Variants in SLCO6A1 observed in about 807,000 individuals in gnomAD.
The protein encoded by SLCO6A1 is solute carrier organic anion transporter family member 6A1.
In SLCO6A1, 65 loss-of-function variants were observed where a neutral mutation model predicts 72.7. The observed-to-expected ratio is 0.89, with a 90% CI of 0.73 to 1.10. SLCO6A1 has a LOEUF of 1.10. Among genes scored for constraint, SLCO6A1 ranks in the 50% least tolerant of loss-of-function variants. The pLI, the probability that SLCO6A1 is intolerant of heterozygous loss-of-function variation, is 0.00. For synonymous variants in SLCO6A1, 314 were observed against 298.2 expected (o/e 1.05, Z -0.55); for missense variants, 874 against 872.6 (o/e 1.00, Z -0.02).
intron 7 of SLCO6A1, among the ~76,000 whole-genome samples, chr5:102,438,059 A>G (rs1395201731): frequency 4.6e-5 from 7 of 152,112 alleles, no homozygotes; most frequent in Non-Finnish European, 1.0e-4. Flanking sequence ...AGGAGATATC[A>G]ACAAACCTTT....
chr5:102,433,928 T>C (rs967403410), intron 7 of SLCO6A1, among the ~76,000 whole-genome samples: 1 of 152,080 alleles, frequency 6.6e-6, no homozygotes, highest in Non-Finnish European at 1.5e-5. Context: ...TTTAAAATTA[T>C]TATAGTTGCA....
intron 1 of SLCO6A1, among the ~76,000 whole-genome samples, chr5:102,481,654 T>C (rs1875634): frequency 0.65 from 99,485 of 151,988 alleles, 32,815 homozygotes; most frequent in African/African-American, 0.69. Context: ...ACCCTTCCTC[T>C]CATATTTAAA....
intron 10 of SLCO6A1, chr5:102,391,334 G>C: frequency 2.8e-6 from 1 of 357,328 alleles, no homozygotes; most frequent in Non-Finnish European, 5.1e-6. Context: ...GAAAGACTTA[G>C]CACTAGATTT....
chr5:102,377,650 T>C (rs1188055905), intron 12 of SLCO6A1, among the ~76,000 whole-genome samples: 1 of 151,794 alleles, frequency 6.6e-6, no homozygotes, highest in South Asian at 2.1e-4. Flanking sequence ...TATATATCTA[T>C]AGATATAGAC....
chr5:102,381,936 T>C (rs193294200), intron 12 of SLCO6A1, among the ~76,000 whole-genome samples: 4 of 151,762 alleles, frequency 2.6e-5, no homozygotes, highest in East Asian at 1.9e-4. Flanking sequence ...TACTAATAAG[T>C]GTTTGAGTTC....
rs574075744 is a variant in SLCO6A1, at chr5:102,462,558, A to G, written c.900-2781T>C. ...ATAGGCACACAGACCAATGGGACAG[A>G]ATAGATAACCCATAAATAAAGCCAA... On this transcript the variant is annotated intron_variant, in intron 4 of 13. Transcript: ENST00000506729. 4.1e-3 allele frequency among the ~76,000 whole-genome samples: 632 copies of G among 152,354 alleles called. 10 individuals are homozygous for G. Among genetic ancestry groups the G allele is most frequent in the African/African-American group, 0.015 (608 of 41,588 alleles).
chr5:102,477,159 C>T (rs1002881534), intron 3 of SLCO6A1, among the ~76,000 whole-genome samples: 1 of 152,044 alleles, frequency 6.6e-6, no homozygotes, highest in Non-Finnish European at 1.5e-5. Flanking sequence ...CGGAGTCTTG[C>T]TCTGTCACCC....
At chr5:102,379,124 T>C (rs1745975593) in intron 12 of SLCO6A1, among the ~76,000 whole-genome samples, 1 of 152,150 alleles carries the variant, frequency 6.6e-6, no homozygotes, top group South Asian at 2.1e-4. Flanking sequence ...TTGTGAAGAA[T>C]TTTTTCAAGT....
chr5:102,414,755 C>T lies in SLCO6A1; in HGVS notation c.1473-1612G>A, dbSNP rs1170884298. Among the ~76,000 whole-genome samples the T allele has an allele frequency of 1.3e-4, 20 of 151,860 alleles. No homozygotes were observed. The South Asian group carries it at 4.0e-3, about 30-fold the overall frequency. ...CTTAAAATGCAAAAAAATAGCCAGG[C>T]GTAGTGGCATGCACCTGTACTCCCA... On this transcript the variant is annotated intron_variant, in intron 8 of 13. Transcript: ENST00000506729.
In SLCO6A1 at chr5:102,475,652, G is replaced by C. The variant is rs370609788; in HGVS notation, c.899+45C>G. On this transcript the variant is annotated intron_variant, in intron 4 of 13. Coordinates refer to ENST00000506729, the MANE Select transcript of SLCO6A1 (RefSeq NM_173488.5). Reference sequence around the variant, plus strand: ...GTAAGCTATGGTAGCTATTTAGTAAGTATTTTATACAATGTAAACAAAAAA... The same window carrying C: ...GTAAGCTATGGTAGCTATTTAGTAACTATTTTATACAATGTAAACAAAAAA... The C allele has an allele frequency of 3.2e-6, 4 of 1,260,878 alleles. No homozygotes were observed. In the African/African-American group the frequency reaches 6.0e-5, roughly 19 times the overall value. 78.1% of individuals were successfully genotyped at this position (1,260,878 alleles called of 1,614,324 possible).
chr5:102,475,881 GA>G lies in SLCO6A1; in HGVS notation c.803-89del, dbSNP rs746023176. 142 of 983,702 alleles carry G rather than the reference GA, an allele frequency of 1.4e-4. 1 individual carries two copies. The highest frequency in any genetic ancestry group is 2.3e-4 in the Middle Eastern group (1 of 4,358). 60.9% of individuals were successfully genotyped at this position (983,702 alleles called of 1,614,324 possible). On this transcript the variant is annotated intron_variant, in intron 3 of 13. Transcript: ENST00000506729. ...AAATTGACTGAAATTGATTACTTCT[GA>G]AAGCTTTTCATAGCATTCTGTATTA...
intron 12 of SLCO6A1, among the ~76,000 whole-genome samples, chr5:102,379,304 T>G (rs1745984337): frequency 6.6e-6 from 1 of 152,142 alleles, no homozygotes; most frequent in African/African-American, 2.4e-5. Context: ...GTCTGATTTA[T>G]TTTCTAGGTA....
At chr5:102,498,353 A>G (rs1753001685) in intron 1 of SLCO6A1, 134 bp downstream of exon 1, 3 of 791,232 alleles carry the variant, frequency 3.8e-6, no homozygotes, top group African/African-American at 3.5e-5. Context: ...AGAAGTCAGA[A>G]AGCAGCCTCA....
At chr5:102,395,914 G>T (rs1304880760) in intron 10 of SLCO6A1, among the ~76,000 whole-genome samples, 2 of 151,938 alleles carry the variant, frequency 1.3e-5, no homozygotes, top group Admixed American at 6.6e-5. Flanking sequence ...TAAATTTGTT[G>T]GAGTTCATTT....
At chr5:102,404,520 C>CA (rs1253748961) in intron 9 of SLCO6A1, among the ~76,000 whole-genome samples, 5 of 151,706 alleles carry the variant, frequency 3.3e-5, no homozygotes, top group East Asian at 1.9e-4. Context: ...AAACAAAAAA[C>CA]AAAAAAAGAA....
chr5:102,422,926 C>T (rs747207086), intron 7 of SLCO6A1, among the ~76,000 whole-genome samples: 1 of 152,256 alleles, frequency 6.6e-6, no homozygotes, highest in Non-Finnish European at 1.5e-5. Flanking sequence ...GAGCAGATCT[C>T]TCTGCAGAAA....
At chr5:102,405,624 G>T (rs886867808) in intron 9 of SLCO6A1, among the ~76,000 whole-genome samples, 31 of 152,032 alleles carry the variant, frequency 2.0e-4, no homozygotes, top group African/African-American at 7.0e-4. Context: ...ATTTTAAGTT[G>T]AAAGAATACT....
chr5:102,427,867 T>A (rs1235975530), intron 7 of SLCO6A1, among the ~76,000 whole-genome samples: 996 of 90,866 alleles, frequency 0.011, 5 homozygotes, highest in African/African-American at 0.029. Context: ...TATATATATT[T>A]TTTTTTTTTT....
At chr5:102,427,056 G>C (rs894482392) in intron 7 of SLCO6A1, among the ~76,000 whole-genome samples, 1 of 151,888 alleles carries the variant, frequency 6.6e-6, no homozygotes, top group Non-Finnish European at 1.5e-5. Context: ...TCATAAGTGG[G>C]AGTTGAACAA....
Sources: gnomAD v4.1 joint callset for allele counts (sites outside exome capture counted in the v4.1 genomes callset) on GRCh38, gnomAD v4.1.1 for gene constraint, MANE v1.5 for transcripts, NCBI Gene and HGNC (gene_info 2026-07-23, HGNC 2026-07-21) for gene names.